The following DGKD variants were observed in gnomAD, a reference collection of about 807,000 sequenced individuals.
The protein encoded by DGKD is DAG kinase delta.
In DGKD, 68 loss-of-function variants were observed where a neutral mutation model predicts 154.4. That is an observed-to-expected ratio of 0.44 (90% CI 0.36 to 0.54). The LOEUF is 0.54. Ranked by LOEUF, DGKD falls within the 20% of genes least tolerant of loss-of-function variation. The pLI, the probability that DGKD is intolerant of heterozygous loss-of-function variation, is 0.00. For synonymous variants in DGKD, 693 were observed against 638.0 expected, an observed-to-expected ratio of 1.09 and a Z score of -1.30; for missense variants, 1,343 against 1,593.6, an observed-to-expected ratio of 0.84 and a Z score of 2.68.
chr2:233,465,050 C>T (rs2063784528), intron 27 of DGKD, among the ~76,000 whole-genome samples: 1 of 152,264 alleles, frequency 6.6e-6, no homozygotes, highest in Non-Finnish European at 1.5e-5. Context: ...ACAGCACCCT[C>T]TTTCCGGGGC....
intron 19 of DGKD, among the ~76,000 whole-genome samples, chr2:233,455,541 CAGAG>C (rs1388311481): frequency 6.6e-6 from 1 of 152,186 alleles, no homozygotes; most frequent in African/African-American, 2.4e-5. Context: ...CAGTAATAAT[CAGAG>C]AGGCCATTCA....
chr2:233,461,082 C>G (rs1317192932), intron 24 of DGKD, among the ~76,000 whole-genome samples: 1 of 152,188 alleles, frequency 6.6e-6, no homozygotes, highest in Non-Finnish European at 1.5e-5. Context: ...TAGAAACACC[C>G]CTGGAGCCAC....
At chr2:233,397,016 TGGG>T (rs71058553) in intron 3 of DGKD, among the ~76,000 whole-genome samples, 385 of 2,272 alleles carry the variant, frequency 0.17, 55 homozygotes, top group Non-Finnish European at 0.2. Context: ...CCAGGGTGGC[TGGG>T]GGGGGGGGCG....
chr2:233,467,417 C>T (rs1056592704), intron 28 of DGKD, among the ~76,000 whole-genome samples: 3 of 152,158 alleles, frequency 2.0e-5, no homozygotes, highest in Non-Finnish European at 2.9e-5. Context: ...CCGGCCCTGA[C>T]GTGCTCTCTG....
intron 11 of DGKD, among the ~76,000 whole-genome samples, chr2:233,446,177 A>G (rs2063063684): frequency 6.6e-6 from 1 of 152,280 alleles, no homozygotes; most frequent in South Asian, 2.1e-4. Flanking sequence ...GCCTAAAGCC[A>G]CTGTGACACC....
At chr2:233,376,452 A>C (rs555825962) in intron 1 of DGKD, among the ~76,000 whole-genome samples, 40 of 152,328 alleles carry the variant, frequency 2.6e-4, no homozygotes, top group Admixed American at 6.5e-4. Context: ...GGCAGATTAA[A>C]TACAGATTCT....
intron 3 of DGKD, 145 bp downstream of exon 3, chr2:233,390,628 T>C (rs1703536840): frequency 1.5e-6 from 1 of 645,432 alleles, no homozygotes; most frequent in Non-Finnish European, 2.6e-6. Flanking sequence ...AATTTAATGC[T>C]GAAAGTAATA....
chr2:233,469,262 A>G (rs2063926633), intron 29 of DGKD, 109 bp from the exon 30 acceptor site: 1 of 918,086 alleles, frequency 1.1e-6, no homozygotes, highest in Non-Finnish European at 1.7e-6. Context: ...TTTGGCTCTC[A>G]TTTGTGTTCA....
chr2:233,454,371 C>T, intron 18 of DGKD: 1 of 472,222 alleles, frequency 2.1e-6, no homozygotes, highest in Non-Finnish European at 4.4e-6. Context: ...AGGAGCCAGA[C>T]ACAGAGCCCA....
chr2:233,448,363 C>T lies in DGKD; in HGVS notation c.1602C>T (p.Val534=), dbSNP rs2063154069. ...CCGAGAGCTCGGAGGAGTCAGAGGT[C>T]ATGGCCAAGAAGGTCTGTTCCCGTG... ...KTTESSEESE[V]MAKKCSVLKE... The change falls in exon 14 of 30, where the codon GTC becomes GTT. Residue 534 remains valine (V), a synonymous_variant. Transcript: ENST00000264057. The T allele has an allele frequency of 3.1e-6, 5 of 1,613,836 alleles. No homozygotes were observed. Among genetic ancestry groups the T allele is most frequent in the African/African-American group, 1.3e-5 (1 of 74,894 alleles).
At chr2:233,371,356 C>A (rs531156151) in intron 1 of DGKD, among the ~76,000 whole-genome samples, 42 of 152,080 alleles carry the variant, frequency 2.8e-4, no homozygotes, top group African/African-American at 9.2e-4. Context: ...TGAAGAAATA[C>A]CTATTCAGGT....
intron 1 of DGKD, among the ~76,000 whole-genome samples, chr2:233,362,375 G>T (rs944415480): frequency 1.3e-5 from 2 of 152,226 alleles, no homozygotes; most frequent in African/African-American, 2.4e-5. Context: ...ATGTGGCCAG[G>T]TGCAGTGACT....
In DGKD at chr2:233,449,960, C is replaced by A; in HGVS notation, c.1889-22C>A. ...TTGGCTTTGCACCCGCGTGCTCAGC[C>A]GCACACACTCTCCTTGCACAGCTGT... On this transcript the variant is annotated intron_variant, in intron 15 of 29. Transcript: ENST00000264057. This position sits in a 1 kb window ranked among gnomAD's most constrained non-coding sequence, Gnocchi z 5.3. The A allele has an allele frequency of 1.3e-6, 2 of 1,569,652 alleles. No homozygotes were observed. Among genetic ancestry groups the A allele is most frequent in the Non-Finnish European group, 1.7e-6 (2 of 1,155,364 alleles).
chr2:233,426,828 C>T (rs2062321164), intron 3 of DGKD, among the ~76,000 whole-genome samples: 2 of 152,206 alleles, frequency 1.3e-5, no homozygotes, highest in Admixed American at 1.3e-4. Context: ...ATTGCACTGT[C>T]ACCAGCACTT....
intron 3 of DGKD, among the ~76,000 whole-genome samples, chr2:233,430,835 C>G (rs1398522793): frequency 3.3e-5 from 5 of 152,158 alleles, no homozygotes; most frequent in African/African-American, 1.2e-4. Context: ...GGATAGTCAT[C>G]TTTTAAAACT....
At chr2:233,400,218 A>T (rs1341644482) in intron 3 of DGKD, among the ~76,000 whole-genome samples, 1 of 152,228 alleles carries the variant, frequency 6.6e-6, no homozygotes, top group Non-Finnish European at 1.5e-5. Context: ...CAATTTAGCA[A>T]AGATTTTCTA....
At chr2:233,356,938 C>G (rs1272705461) in intron 1 of DGKD, among the ~76,000 whole-genome samples, 4 of 151,966 alleles carry the variant, frequency 2.6e-5, no homozygotes, top group Non-Finnish European at 4.4e-5. Context: ...AAAAACAGAA[C>G]TCACCTTAAG....
At chr2:233,398,082 A>AC (rs2061463953) in intron 3 of DGKD, among the ~76,000 whole-genome samples, 1 of 70,944 alleles carries the variant, frequency 1.4e-5, no homozygotes, top group African/African-American at 5.8e-5. Flanking sequence ...CCCAGCTCCC[A>AC]CCCCCCACCC....
intron 6 of DGKD, 93 bp downstream of exon 6, chr2:233,436,017 G>A (rs2062681970): frequency 7.6e-7 from 1 of 1,321,228 alleles, no homozygotes; most frequent in East Asian, 2.3e-5. Flanking sequence ...CCCTGCCACT[G>A]TTTCATTTGA....
Sources: allele counts gnomAD v4.1 joint callset (sites outside exome capture counted in the v4.1 genomes callset), GRCh38; gene constraint gnomAD v4.1.1; non-coding constraint Gnocchi (gnomAD v3.1); transcripts MANE v1.5; gene names NCBI Gene and HGNC (gene_info 2026-07-23, HGNC 2026-07-21).